The following ZDHHC24 variants were observed in gnomAD, a reference collection of about 807,000 sequenced individuals.
ZDHHC24 encodes the protein probable palmitoyltransferase ZDHHC24.
Under a neutral mutation model 23.2 loss-of-function variants are expected in ZDHHC24, and 17 were observed. The ratio of observed to expected loss-of-function variants is 0.73; its 90% CI spans 0.50 to 1.10. The LOEUF (loss-of-function observed/expected upper bound fraction) is 1.10. Ranked by LOEUF, ZDHHC24 falls within the 50% of genes least tolerant of loss-of-function variation. The pLI, the probability that ZDHHC24 is intolerant of heterozygous loss-of-function variation, is 0.00. For missense variants in ZDHHC24, 366 were observed against 393.0 expected (o/e 0.93, Z 0.58); for synonymous variants, 186 against 194.5 (o/e 0.96, Z 0.36).
rs764107077 is a variant in ZDHHC24, at chr11:66,526,103, ACT to A, written c.*21+831_*21+832del. On this transcript the variant is annotated intron_variant, in intron 4 of 4. Coordinates refer to the ZDHHC24 transcript ENST00000526986. ...CTCTCCAAGATATTTCCCCAACTAA[ACT>A]CTGACGTCTCCACATAGGATGCAGT... 3.1e-6 allele frequency: 5 copies of A among 1,613,500 alleles called. No homozygotes were observed. The African/African-American group carries it at 4.0e-5, about 13-fold the overall frequency.
chr11:66,530,906 G>C (rs1299808202), downstream of ZDHHC24: 1 of 1,614,226 alleles, frequency 6.2e-7, no homozygotes, highest in Admixed American at 1.7e-5. Context: ...TCAGGGCCTT[G>C]GCCCCACCTT....
downstream of ZDHHC24, among the ~76,000 whole-genome samples, chr11:66,535,125 T>C (rs1856921338): frequency 6.6e-6 from 1 of 152,218 alleles, no homozygotes; most frequent in African/African-American, 2.4e-5. Flanking sequence ...ATTCCTGACC[T>C]CAGGTGATCC....
chr11:66,525,827 G>A (rs959383034), intron 4 of ZDHHC24, among the ~76,000 whole-genome samples: 1 of 152,132 alleles, frequency 6.6e-6, no homozygotes. Flanking sequence ...GTTTTTGAAA[G>A]GTAGCAAAGG....
At chr11:66,540,110 T>C (rs576946890) in intron 2 of ZDHHC24, among the ~76,000 whole-genome samples, 140 of 152,074 alleles carry the variant, frequency 9.2e-4, no homozygotes, top group South Asian at 3.9e-3. Context: ...CTTGGGGAGC[T>C]CACAGACATT....
Position 66,539,425 on chromosome 11 carries a change from T to G in ZDHHC24, c.*104A>C. ...CAAGGCCAAGGAAGGGGTGGAGTTG[T>G]CCAATGCAGATGTTAAGGTCCAACC... On this transcript the variant is annotated 3_prime_UTR_variant, in exon 3 of 3. Coordinates refer to ENST00000310442, the MANE Select transcript of ZDHHC24 (RefSeq NM_207340.3). 7.1e-7 allele frequency: 1 copy of G among 1,411,784 alleles called. No individual in the cohort carries two copies. The highest frequency in any genetic ancestry group is 9.2e-7 in the Non-Finnish European group (1 of 1,085,672). The allele number at this position is 1,411,784 out of a possible 1,614,324, so 87.5% of individuals were successfully genotyped here. A position where few individuals can be genotyped will look rare whatever the true frequency, so the allele number is the denominator to read the frequency against.
intron 4 of ZDHHC24, chr11:66,524,246 C>A: frequency 2.9e-6 from 1 of 350,868 alleles, no homozygotes; most frequent in Non-Finnish European, 5.6e-6. Context: ...AACCATGGCA[C>A]TTCAGCCTGG....
chr11:66,520,653 C>T (rs1297164978), downstream of ZDHHC24: 1 of 162,566 alleles, frequency 6.2e-6, no homozygotes, highest in African/African-American at 2.4e-5. Flanking sequence ...TTTACCCTGT[C>T]ACCTATTGTA....
intron 1 of ZDHHC24, among the ~76,000 whole-genome samples, chr11:66,544,824 G>A (rs1474205270): frequency 1.3e-5 from 2 of 151,906 alleles, no homozygotes; most frequent in Non-Finnish European, 2.9e-5. Context: ...CTCAGCAAAA[G>A]CCTCTGCCTG....
downstream of ZDHHC24, chr11:66,531,869 G>A: frequency 1.3e-6 from 2 of 1,591,486 alleles, no homozygotes; most frequent in African/African-American, 2.7e-5. Context: ...GTGGAGCCCT[G>A]TGGCCTGTCA....
rs770129791 is a variant in ZDHHC24 at position 66,545,860 on chromosome 11, G to A, written c.144C>T (p.Pro48=). 5 of 1,551,848 alleles carry A rather than the reference G, an allele frequency of 3.2e-6. No individual in the cohort carries two copies. The East Asian group carries it at 7.2e-5, about 22-fold the overall frequency. Residue 48 remains proline, a synonymous_variant, in exon 1 of 3, where the codon CCC becomes CCT. Coordinates refer to ENST00000310442, the MANE Select transcript of ZDHHC24 (RefSeq NM_207340.3). This position sits in a 1 kb window ranked among gnomAD's most constrained non-coding sequence, Gnocchi z 4.5. ...GCGCCAGCTGCAAGGCCCGGGCCAGGGGTCCCAGCGGCGGCGGCCCGGGAC... is the reference window on the plus strand; with the variant it reads ...GCGCCAGCTGCAAGGCCCGGGCCAGAGGTCCCAGCGGCGGCGGCCCGGGAC... ...VLGPGPPPLG[P]LARALQLALA... is the part of the protein sequence containing the mutation.
downstream of ZDHHC24, chr11:66,531,826 G>T (rs143726773): frequency 2.9e-4 from 468 of 1,612,112 alleles, 4 homozygotes; most frequent in East Asian, 9.5e-3. Flanking sequence ...AGACCTTAGG[G>T]GGCTCCTGGG....
chr11:66,529,357 C>A, exon 3 of ZDHHC24: 1 of 1,515,338 alleles, frequency 6.6e-7, no homozygotes, highest in Non-Finnish European at 8.9e-7. Flanking sequence ...GTTGATGGGA[C>A]CTCCCTGTGG....
intron 2 of ZDHHC24, chr11:66,529,695 A>G: frequency 1.6e-6 from 2 of 1,241,812 alleles, no homozygotes; most frequent in Non-Finnish European, 2.3e-6. Flanking sequence ...GCTCCTGCAG[A>G]CTCCTCCTGC....
At chr11:66,530,973 T>C (rs121917778), downstream of ZDHHC24, 9 of 1,614,100 alleles carry the variant, frequency 5.6e-6, no homozygotes, top group Non-Finnish European at 7.6e-6. Flanking sequence ...CTGGGGCTGC[T>C]GGTCTGCTTC....
intron 4 of ZDHHC24, chr11:66,526,257 G>A: frequency 6.8e-7 from 1 of 1,480,458 alleles, no homozygotes; most frequent in Non-Finnish European, 9.4e-7. Flanking sequence ...CTGCTTCTGG[G>A]GAAAGAGGAG....
intron 2 of ZDHHC24, among the ~76,000 whole-genome samples, chr11:66,540,652 C>T (rs1281459116): frequency 2.0e-5 from 3 of 151,038 alleles, no homozygotes; most frequent in Non-Finnish European, 2.9e-5. Flanking sequence ...CGCTTGAACC[C>T]GGGAGGTGGA....
Position 66,543,951 on chromosome 11 carries a change from C to T in ZDHHC24, c.312G>A (p.Pro104=), listed in dbSNP as rs368742873. Residue 104 remains proline (P), a synonymous_variant, in exon 2 of 3, where the codon CCG becomes CCA. Transcript: ENST00000310442. ...AYCYQCQSQV[P]PRSGHCSACR... is the part of the protein sequence containing the mutation. ...AGGCAGAGCAGTGTCCGCTGCGTGG[C>T]GGCACCTGGCTTTGGCATTGGTAGC... 3.7e-6 allele frequency: 6 copies of T among 1,613,536 alleles called. No homozygotes were observed. Among genetic ancestry groups the T allele is most frequent in the East Asian group, 2.2e-5 (1 of 44,876 alleles).
In ZDHHC24 at chr11:66,524,205, G is replaced by C. The variant is rs934076445; in HGVS notation, c.*21+2731C>G. On this transcript the variant is annotated intron_variant, in intron 4 of 4. Coordinates refer to the ZDHHC24 transcript ENST00000526986. The stretch of plus-strand genomic sequence containing the variant: ...TGAGGTAGGAGAATCGCTTGAGCCT[G>C]GGAGGCGGAGGTTGCAGTGAGCCAA... The C allele has an allele frequency of 3.6e-4, 137 of 378,674 alleles. 1 individual carries two copies. The highest frequency in any genetic ancestry group is 8.9e-4 in the Middle Eastern group (1 of 1,128). 23.5% of individuals were successfully genotyped at this position (378,674 alleles called of 1,614,324 possible).
intron 4 of ZDHHC24, chr11:66,523,969 C>T (rs1856369881): frequency 6.4e-7 from 1 of 1,562,542 alleles, no homozygotes; most frequent in African/African-American, 1.3e-5. Flanking sequence ...TCCGACCACA[C>T]ATTGATGCAT....
Sources: allele counts gnomAD v4.1 joint callset (sites outside exome capture counted in the v4.1 genomes callset), GRCh38; gene constraint gnomAD v4.1.1; non-coding constraint Gnocchi (gnomAD v3.1); transcripts MANE v1.5; gene names NCBI Gene and HGNC (gene_info 2026-07-23, HGNC 2026-07-21).